The following NCAM2 variants were observed in gnomAD, a reference collection of about 807,000 sequenced individuals.
NCAM2 encodes the protein N-CAM-2.
In NCAM2, 30 loss-of-function variants were observed where a neutral mutation model predicts 98.1. The ratio of observed to expected loss-of-function variants is 0.31; its 90% CI spans 0.23 to 0.41. The LOEUF (loss-of-function observed/expected upper bound fraction) is 0.41. Ranked by LOEUF, NCAM2 falls within the 10% of genes least tolerant of loss-of-function variation. NCAM2 has a pLI of 1.00. For missense variants in NCAM2, 867 were observed against 1,005.8 expected (o/e 0.86, Z 1.87); for synonymous variants, 368 against 342.4 (o/e 1.07, Z -0.83).
At chr21:21,265,830 G>T (rs1443191799) in intron 1 of NCAM2, among the ~76,000 whole-genome samples, 24 of 151,936 alleles carry the variant, frequency 1.6e-4, no homozygotes, top group Admixed American at 1.6e-3. Flanking sequence ...TTTGGGTGAT[G>T]GGCTCAAACC....
chr21:21,336,725 T>C (rs1292607105), intron 7 of NCAM2, among the ~76,000 whole-genome samples: 2 of 152,160 alleles, frequency 1.3e-5, no homozygotes, highest in African/African-American at 4.8e-5. Context: ...TTATAAAGCT[T>C]ATTTTCAAGT....
intron 1 of NCAM2, among the ~76,000 whole-genome samples, chr21:21,089,355 T>C (rs1478488212): frequency 6.6e-6 from 1 of 152,184 alleles, no homozygotes; most frequent in Non-Finnish European, 1.5e-5. Flanking sequence ...AGTGATTATT[T>C]TGGCCCAAAA....
intron 1 of NCAM2, among the ~76,000 whole-genome samples, chr21:21,033,756 G>A (rs1355442028): frequency 6.6e-6 from 1 of 152,076 alleles, no homozygotes. Context: ...AATCTTTCCT[G>A]GATCTGGACA....
At chr21:21,327,722 A>C (rs1294944289) in intron 6 of NCAM2, among the ~76,000 whole-genome samples, 3 of 152,166 alleles carry the variant, frequency 2.0e-5, no homozygotes, top group Non-Finnish European at 4.4e-5. Flanking sequence ...ATTTAAACTT[A>C]ATGTCCTCCA....
chr21:21,524,769 T>G (rs928151988), intron 16 of NCAM2, among the ~76,000 whole-genome samples: 4 of 152,210 alleles, frequency 2.6e-5, no homozygotes, highest in African/African-American at 9.6e-5. Flanking sequence ...CTAGGTCATA[T>G]GACACACTTT....
chr21:21,333,830 A>G (rs2074781111), intron 6 of NCAM2, among the ~76,000 whole-genome samples: 1 of 152,178 alleles, frequency 6.6e-6, no homozygotes, highest in Non-Finnish European at 1.5e-5. Context: ...ATCCCTAATT[A>G]TGATGAAAAC....
At chr21:21,071,614 G>A (rs2065565418) in intron 1 of NCAM2, among the ~76,000 whole-genome samples, 1 of 152,108 alleles carries the variant, frequency 6.6e-6, no homozygotes, top group African/African-American at 2.4e-5. Context: ...AAGTTAAATT[G>A]AAAAATAAAG....
intron 1 of NCAM2, among the ~76,000 whole-genome samples, chr21:21,066,421 C>T (rs1303084147): frequency 6.6e-6 from 1 of 151,988 alleles, no homozygotes; most frequent in Non-Finnish European, 1.5e-5. Context: ...AACATATACA[C>T]ACACACACAC....
chr21:21,186,767 T>A (rs2068653896), intron 1 of NCAM2, among the ~76,000 whole-genome samples: 1 of 152,192 alleles, frequency 6.6e-6, no homozygotes, highest in South Asian at 2.1e-4. Flanking sequence ...TAGCTTTATT[T>A]ATATATCTTT....
At position 21,373,995 on chromosome 21, in the gene NCAM2, A is replaced by G. The variant is rs748093818; in HGVS notation, c.1177A>G (p.Met393Val). ...ASRIGGHQKS[M>V]YLDIEYAPKF... The stretch of plus-strand genomic sequence containing the variant: ...CAGAATTGGAGGGCATCAAAAGAGC[A>G]TGTACCTTGATATTGAATGTAAGTT... The change falls in exon 9 of 18, where the codon ATG becomes GTG. Residue 393 changes from methionine to valine, a missense_variant. This residue lies in a region of NCAM2 where 447 missense variants were observed against 495.7 expected (regional missense o/e 0.90). Transcript: ENST00000400546. 101 of 1,608,378 alleles carry G rather than the reference A, an allele frequency of 6.3e-5. No individual in the cohort carries two copies. The highest frequency in any genetic ancestry group is 8.3e-5 in the Non-Finnish European group (98 of 1,177,378).
At chr21:21,236,788 A>ATGTGTGTG (rs2070848895) in intron 1 of NCAM2, among the ~76,000 whole-genome samples, 1 of 131,472 alleles carries the variant, frequency 7.6e-6, no homozygotes, top group Non-Finnish European at 1.7e-5. Flanking sequence ...GTGTGTGTGC[A>ATGTGTGTG]TGCACACGTG....
chr21:21,313,297 G>A (rs1432260561), intron 5 of NCAM2, among the ~76,000 whole-genome samples: 1 of 151,370 alleles, frequency 6.6e-6, no homozygotes, highest in African/African-American at 2.4e-5. Context: ...TAGTTTATTA[G>A]GCTATCCCAA....
Position 21,451,164 on chromosome 21 carries a change from C to T in NCAM2, c.1655-15442C>T, listed in dbSNP as rs114936326. Among the ~76,000 whole-genome samples, 1,109 of 152,082 alleles carry T rather than the reference C, an allele frequency of 7.3e-3. 10 individuals are homozygous for T. Among genetic ancestry groups the T allele is most frequent in the African/African-American group, 0.026 (1,063 of 41,496 alleles). Reference sequence around the variant, plus strand: ...ACTGCACATTGGAGGGCCTGTTTACCGTTCATTTGGCTCTTTGAGTCTTCC... The same window carrying T: ...ACTGCACATTGGAGGGCCTGTTTACTGTTCATTTGGCTCTTTGAGTCTTCC... On this transcript the variant is annotated intron_variant, in intron 12 of 17. Coordinates refer to ENST00000400546, the MANE Select transcript of NCAM2 (RefSeq NM_004540.5).
At chr21:21,141,600 G>A (rs770102055) in intron 1 of NCAM2, among the ~76,000 whole-genome samples, 1 of 152,118 alleles carries the variant, frequency 6.6e-6, no homozygotes, top group Non-Finnish European at 1.5e-5. Context: ...AGTTAGATAT[G>A]AGAGCATATT....
intron 1 of NCAM2, among the ~76,000 whole-genome samples, chr21:21,230,272 A>G (rs891906577): frequency 1.3e-5 from 2 of 151,254 alleles, no homozygotes; most frequent in African/African-American, 2.4e-5. Flanking sequence ...CATCTCATCC[A>G]TATTCTTCTT....
At chr21:21,239,446 A>G (rs540464126) in intron 1 of NCAM2, 2 of 152,312 alleles carry the variant, frequency 1.3e-5, no homozygotes, top group East Asian at 1.9e-4. Context: ...GTTCATAAAA[A>G]TTATCTCCCT....
At chr21:21,187,348 A>C (rs2068673395) in intron 1 of NCAM2, among the ~76,000 whole-genome samples, 1 of 152,190 alleles carries the variant, frequency 6.6e-6, no homozygotes, top group Non-Finnish European at 1.5e-5. Flanking sequence ...AATTATACTT[A>C]TTAGTTCACA....
At chr21:21,360,195 G>A (rs1402502377) in intron 8 of NCAM2, among the ~76,000 whole-genome samples, 2 of 151,814 alleles carry the variant, frequency 1.3e-5, no homozygotes, top group Non-Finnish European at 3.0e-5. Flanking sequence ...AACAAAAATT[G>A]CCTTAACACA....
chr21:21,077,729 A>G (rs971053752), intron 1 of NCAM2, among the ~76,000 whole-genome samples: 4 of 152,322 alleles, frequency 2.6e-5, no homozygotes, highest in African/African-American at 9.6e-5. Context: ...CATTGGCTCC[A>G]TTAGAAACAG....
Sources: allele counts gnomAD v4.1 joint callset (sites outside exome capture counted in the v4.1 genomes callset), GRCh38; gene constraint gnomAD v4.1.1; regional missense constraint gnomAD v4.1.1; transcripts MANE v1.5; gene names NCBI Gene and HGNC (gene_info 2026-07-23, HGNC 2026-07-21).